PMFBP1: variants seen among roughly 807,000 people sequenced by gnomAD.
PMFBP1 encodes the protein polyamine modulated factor 1 binding protein 1.
A neutral mutation model predicts 137.8 loss-of-function variants in PMFBP1; 131 were observed. That is an observed-to-expected ratio of 0.95 (90% CI 0.82 to 1.10). The LOEUF is 1.10. Ranked by LOEUF, PMFBP1 falls within the 50% of genes least tolerant of loss-of-function variation. The pLI is 0.00. For synonymous variants in PMFBP1, 490 were observed against 450.4 expected (o/e 1.09, Z -1.11); for missense variants, 1,199 against 1,175.4 (o/e 1.02, Z -0.29).
chr16:72,177,378 AC>A (rs2043262600), upstream of PMFBP1, among the ~76,000 whole-genome samples: 1 of 152,116 alleles, frequency 6.6e-6, no homozygotes, highest in South Asian at 2.1e-4. Flanking sequence ...CCAGGTGTGT[AC>A]CCTTTCCCCC....
intron 2 of PMFBP1, among the ~76,000 whole-genome samples, chr16:72,169,044 G>C (rs192428653): frequency 1.1e-3 from 163 of 152,252 alleles, no homozygotes; most frequent in Non-Finnish European, 2.0e-3. Flanking sequence ...GAGCCCAAGA[G>C]CATTGCAAAG....
rs1161262324 is a variant in PMFBP1 at position 72,136,615 on chromosome 16, G to A, written c.1046-10C>T. ...TCCAGCTTCATCATGTCTACCATGG[G>A]GCGGGACAGAGTCTATGCTCAGGGG... is the stretch of plus-strand genomic sequence containing the variant. On this transcript the variant is annotated splice_polypyrimidine_tract_variant and intron_variant, in intron 8 of 20. Coordinates refer to ENST00000237353, the MANE Select transcript of PMFBP1 (RefSeq NM_031293.3). The A allele has an allele frequency of 5.0e-6, 8 of 1,613,910 alleles. No homozygotes were observed. In the Admixed American group the frequency reaches 5.0e-5, roughly 10 times the overall value.
chr16:72,229,198 G>A, the PMFBP1 span, among the ~76,000 whole-genome samples: 36 of 152,096 alleles, frequency 2.4e-4, no homozygotes, highest in African/African-American at 4.3e-4. Flanking sequence ...TCTTATTTAC[G>A]GCTGCATAAT....
intron 14 of PMFBP1, 142 bp from the exon 15 acceptor site, chr16:72,126,274 A>G (rs2042456937): frequency 7.0e-6 from 6 of 855,266 alleles, no homozygotes; most frequent in Non-Finnish European, 1.1e-5. Flanking sequence ...TCACATCTTC[A>G]CTTCACCACT....
chr16:72,134,372 T>C (rs2042594018), intron 9 of PMFBP1, among the ~76,000 whole-genome samples: 1 of 152,168 alleles, frequency 6.6e-6, no homozygotes. Flanking sequence ...TTTGCAGAGA[T>C]GGGGTCTTGC....
At chr16:72,126,560 A>G (rs2042462333) in intron 14 of PMFBP1, among the ~76,000 whole-genome samples, 1 of 152,234 alleles carries the variant, frequency 6.6e-6, no homozygotes, top group Non-Finnish European at 1.5e-5. Flanking sequence ...AGAAAGCAGG[A>G]CTGTGCCTGT....
the PMFBP1 span, among the ~76,000 whole-genome samples, chr16:72,213,052 C>A: frequency 3.3e-5 from 5 of 152,192 alleles, no homozygotes; most frequent in African/African-American, 1.2e-4. Flanking sequence ...TAGCTGACAG[C>A]ACTTGCTACA....
chr16:72,236,676 G>A, the PMFBP1 span, among the ~76,000 whole-genome samples: 1 of 152,078 alleles, frequency 6.6e-6, no homozygotes. Flanking sequence ...AAAACAAAAC[G>A]ATGATCAAAC....
At chr16:72,173,474 C>A (rs866535106), upstream of PMFBP1, among the ~76,000 whole-genome samples, 1 of 151,920 alleles carries the variant, frequency 6.6e-6, no homozygotes, top group African/African-American at 2.4e-5. Flanking sequence ...AAGAGCATTT[C>A]GAAGGAAAAG....
chr16:72,246,704 T>G, the PMFBP1 span, among the ~76,000 whole-genome samples: 95 of 152,186 alleles, frequency 6.2e-4, no homozygotes, highest in African/African-American at 2.2e-3. Context: ...TATAGGATAA[T>G]GATTGACTGG....
At chr16:72,200,280 C>T in the PMFBP1 span, among the ~76,000 whole-genome samples, 1 of 152,268 alleles carries the variant, frequency 6.6e-6, no homozygotes, top group African/African-American at 2.4e-5. Flanking sequence ...CTTTAACTGG[C>T]AGAGTAAACT....
upstream of PMFBP1, among the ~76,000 whole-genome samples, chr16:72,176,664 T>C (rs1214760353): frequency 6.6e-6 from 1 of 152,208 alleles, no homozygotes; most frequent in African/African-American, 2.4e-5. Flanking sequence ...GGAACTATCA[T>C]TGCCAGCCCT....
At chr16:72,249,099 T>C in the PMFBP1 span, among the ~76,000 whole-genome samples, 7 of 152,006 alleles carry the variant, frequency 4.6e-5, no homozygotes, top group Non-Finnish European at 1.0e-4. Context: ...AAAAAAAAGA[T>C]CAAGAGAAGT....
chr16:72,241,987 C>T, the PMFBP1 span, among the ~76,000 whole-genome samples: 7 of 152,260 alleles, frequency 4.6e-5, no homozygotes, highest in South Asian at 2.1e-4. Flanking sequence ...TTGGACCCTC[C>T]GGACACATCT....
At chr16:72,143,553 G>T (rs1296387395) in intron 5 of PMFBP1, among the ~76,000 whole-genome samples, 1 of 149,742 alleles carries the variant, frequency 6.7e-6, no homozygotes, top group African/African-American at 2.5e-5. Context: ...GACCAGCCTG[G>T]CCAACATGGT....
rs778219933 is a variant in PMFBP1, at chr16:72,140,548, C to T, written c.671G>A (p.Arg224Gln). The T allele has an allele frequency of 1.4e-4, 225 of 1,613,604 alleles. 1 individual carries two copies. Among genetic ancestry groups the T allele is most frequent in the Admixed American group, 5.3e-4 (32 of 59,990 alleles). ...AATCATGCAAGGAGAAGTGTATATC[C>T]GTACCTTTGAATGATCACCCTTGTT... Reference protein sequence around the residue: ...PENKGDHSKVRIYTSPCMIQE... With the variant: ...PENKGDHSKVQIYTSPCMIQE... The change falls in exon 6 of 21, where the codon CGG (arginine) becomes CAG (glutamine). Residue 224 changes from arginine (R) to glutamine (Q), a missense_variant. Coordinates refer to ENST00000237353, the MANE Select transcript of PMFBP1 (RefSeq NM_031293.3).
intron 10 of PMFBP1, among the ~76,000 whole-genome samples, chr16:72,131,382 T>C (rs2042547288): frequency 6.6e-6 from 1 of 152,118 alleles, no homozygotes; most frequent in Non-Finnish European, 1.5e-5. Context: ...TGTGGTTTAG[T>C]GGGTTCTTGA....
upstream of PMFBP1, among the ~76,000 whole-genome samples, chr16:72,175,887 T>C (rs376901038): frequency 1.3e-5 from 2 of 152,216 alleles, no homozygotes; most frequent in East Asian, 3.9e-4. Context: ...ACAGGGATAC[T>C]TATTGTATAC....
At chr16:72,145,513 C>T (rs971739879) in intron 5 of PMFBP1, among the ~76,000 whole-genome samples, 1 of 151,902 alleles carries the variant, frequency 6.6e-6, no homozygotes, top group African/African-American at 2.4e-5. Context: ...TAGCAGAAGA[C>T]AAGAAATAAC....
Sources: allele counts gnomAD v4.1 joint callset (sites outside exome capture counted in the v4.1 genomes callset), GRCh38; gene constraint gnomAD v4.1.1; transcripts MANE v1.5; gene names NCBI Gene and HGNC (gene_info 2026-07-23, HGNC 2026-07-21).